GRM1: variants seen among roughly 807,000 people sequenced by gnomAD.
The protein encoded by GRM1 is glutamate metabotropic receptor 1, also known as metabotropic glutamate receptor 1.
In GRM1, 33 loss-of-function variants were observed where a neutral mutation model predicts 90.9. That is an observed-to-expected ratio of 0.36 (90% CI 0.28 to 0.49). The LOEUF (loss-of-function observed/expected upper bound fraction) is 0.49. Ranked by LOEUF, GRM1 falls within the 20% of genes least tolerant of loss-of-function variation. The probability of loss-of-function intolerance (pLI) is 0.99; values close to 1 mark genes in which losing one functional copy is unlikely to be tolerated. For synonymous variants in GRM1, 700 were observed against 613.2 expected (o/e 1.14, Z -2.09); for missense variants, 1,190 against 1,534.3 (o/e 0.78, Z 3.75).
Position 146,398,979 on chromosome 6 carries a change from C to A in GRM1, c.1940C>A (p.Thr647Asn). ...TTCCTTGGTTATGTGTGCCCATTCA[C>A]TCTCATTGCCAAACCTACTACCACC... ...GIFLGYVCPFTLIAKPTTTSC... is the reference protein window; with the variant it reads ...GIFLGYVCPFNLIAKPTTTSC... The change falls in exon 7 of 8, where the codon ACT becomes AAT. Residue 647 changes from threonine (T) to asparagine (N), a missense_variant. Around this residue, in one of 10 missense-constraint regions of GRM1, gnomAD observed 414 missense variants for 598.4 expected, o/e 0.69. Coordinates refer to ENST00000282753, the MANE Select transcript of GRM1 (RefSeq NM_001278064.2). 2 of 1,614,072 alleles carry A rather than the reference C, an allele frequency of 1.2e-6. No homozygotes were observed. Among genetic ancestry groups the A allele is most frequent in the South Asian group, 1.1e-5 (1 of 91,072 alleles).
rs58070198 is a variant in GRM1, at chr6:146,343,658, TTTATTA to T, written c.1187-8571_1187-8566del. ...TTTATTGTTGTTGTTGTTGTTTTTA[TTTATTA>T]TTATTATTATTATTATTATTGAGAT... On this transcript the variant is annotated intron_variant, in intron 3 of 7. Transcript: ENST00000282753. Among the ~76,000 whole-genome samples the T allele has an allele frequency of 5.5e-3, 814 of 148,444 alleles. 6 individuals are homozygous for T. Among genetic ancestry groups the T allele is most frequent in the African/African-American group, 0.02 (781 of 39,556 alleles).
At chr6:146,052,974 G>T (rs1442551561) in intron 1 of GRM1, among the ~76,000 whole-genome samples, 1 of 151,850 alleles carries the variant, frequency 6.6e-6, no homozygotes, top group Admixed American at 6.6e-5. Flanking sequence ...AAAAACCCCG[G>T]GGTTTTATGT....
chr6:146,185,151 T>C (rs765623733), intron 2 of GRM1, among the ~76,000 whole-genome samples: 2 of 152,226 alleles, frequency 1.3e-5, no homozygotes, highest in Non-Finnish European at 1.5e-5. Context: ...CTGGATGATA[T>C]GCAGTAGCCT....
chr6:146,422,273 GA>G (rs1778023458), intron 7 of GRM1, among the ~76,000 whole-genome samples: 1 of 152,162 alleles, frequency 6.6e-6, no homozygotes, highest in African/African-American at 2.4e-5. Flanking sequence ...AAGTCTGGAA[GA>G]GAGAGAAAAT....
chr6:146,213,412 C>A (rs1238408702), intron 2 of GRM1, among the ~76,000 whole-genome samples: 2 of 151,932 alleles, frequency 1.3e-5, no homozygotes, highest in African/African-American at 4.8e-5. Flanking sequence ...AAGAAGGGGG[C>A]AGATTTGCAT....
chr6:146,263,628 A>G (rs951185056), intron 2 of GRM1, among the ~76,000 whole-genome samples: 4 of 152,064 alleles, frequency 2.6e-5, no homozygotes, highest in African/African-American at 7.2e-5. Context: ...CTTTAGTACA[A>G]TATTTTCTAT....
intron 1 of GRM1, among the ~76,000 whole-genome samples, chr6:146,052,710 A>C (rs141130492): frequency 2.6e-5 from 4 of 152,150 alleles, no homozygotes; most frequent in African/African-American, 7.2e-5. Flanking sequence ...CTTTTCATTT[A>C]GATCTTAATT....
At chr6:146,359,164 T>C (rs1009927782) in intron 5 of GRM1, among the ~76,000 whole-genome samples, 1 of 152,192 alleles carries the variant, frequency 6.6e-6, no homozygotes, top group Non-Finnish European at 1.5e-5. Context: ...GTAGTATGTA[T>C]GGGCTGATTC....
At chr6:146,358,646 A>G (rs1775328962) in intron 5 of GRM1, among the ~76,000 whole-genome samples, 1 of 152,142 alleles carries the variant, frequency 6.6e-6, no homozygotes, top group Non-Finnish European at 1.5e-5. Context: ...TGGAGGAGAG[A>G]TGCTCTGATA....
chr6:146,029,988 G>T lies in GRM1; in HGVS notation c.471G>T (p.Ala157=), dbSNP rs1474428521. The T allele has an allele frequency of 1.2e-6, 2 of 1,614,150 alleles. No homozygotes were observed. The highest frequency in any genetic ancestry group is 2.2e-5 in the East Asian group (1 of 44,864). Residue 157 remains alanine (A), a synonymous_variant, in exon 1 of 8, where the codon GCG becomes GCT. Coordinates refer to ENST00000282753, the MANE Select transcript of GRM1 (RefSeq NM_001278064.2). ...LPPGRTKKPI[A]GVIGPGSSSV... ...CAGGCAGGACTAAGAAGCCCATTGC[G>T]GGAGTGATCGGTCCCGGCTCCAGCT...
upstream of GRM1, among the ~76,000 whole-genome samples, chr6:146,028,571 G>T (rs1012084048): frequency 2.0e-5 from 3 of 151,880 alleles, no homozygotes; most frequent in Admixed American, 6.6e-5. Context: ...CCTTCTTCTT[G>T]AACATACACA....
chr6:146,032,326 G>C (rs759596614), intron 1 of GRM1, among the ~76,000 whole-genome samples: 7 of 152,080 alleles, frequency 4.6e-5, no homozygotes, highest in Non-Finnish European at 8.8e-5. Flanking sequence ...CATTCACCTT[G>C]CCATTCATAT....
At chr6:146,033,708 C>A (rs2128836818) in intron 1 of GRM1, among the ~76,000 whole-genome samples, 1 of 151,828 alleles carries the variant, frequency 6.6e-6, no homozygotes, top group South Asian at 2.1e-4. Flanking sequence ...ATTTTTTTGA[C>A]ATTTGCTTAC....
At chr6:146,282,885 C>T (rs1249794438) in intron 2 of GRM1, among the ~76,000 whole-genome samples, 2 of 152,150 alleles carry the variant, frequency 1.3e-5, no homozygotes, top group Non-Finnish European at 2.9e-5. Context: ...GAAGAAATAA[C>T]ATTTAACACC....
chr6:146,137,632 G>A (rs1216561085), intron 1 of GRM1, among the ~76,000 whole-genome samples: 1 of 152,000 alleles, frequency 6.6e-6, no homozygotes, highest in Non-Finnish European at 1.5e-5. Context: ...GATAGCTTTG[G>A]CTATTCTGGG....
intron 7 of GRM1, among the ~76,000 whole-genome samples, chr6:146,405,023 A>G (rs558887452): frequency 1.3e-5 from 2 of 152,352 alleles, no homozygotes; most frequent in South Asian, 4.1e-4. Context: ...GAAAGAAATA[A>G]TAAGAAAATA....
intron 1 of GRM1, among the ~76,000 whole-genome samples, chr6:146,096,368 C>G (rs1391619011): frequency 6.6e-6 from 1 of 152,062 alleles, no homozygotes; most frequent in Non-Finnish European, 1.5e-5. Context: ...TCCAATGGAG[C>G]CTAAGTAAGA....
chr6:146,095,944 C>G (rs1205244002), intron 1 of GRM1, among the ~76,000 whole-genome samples: 4 of 152,106 alleles, frequency 2.6e-5, no homozygotes, highest in Non-Finnish European at 5.9e-5. Flanking sequence ...TTTTCCATTT[C>G]AGACATGTTC....
At chr6:146,054,798 C>T (rs1775420871) in intron 1 of GRM1, among the ~76,000 whole-genome samples, 1 of 152,072 alleles carries the variant, frequency 6.6e-6, no homozygotes, top group African/African-American at 2.4e-5. Context: ...GACAGAACAA[C>T]ATATGTGTGT....
Sources: gnomAD v4.1 joint callset for allele counts (sites outside exome capture counted in the v4.1 genomes callset) on GRCh38, gnomAD v4.1.1 for gene constraint, gnomAD v4.1.1 regional missense constraint, MANE v1.5 for transcripts, NCBI Gene and HGNC (gene_info 2026-07-23, HGNC 2026-07-21) for gene names.